The following MDGA2 variants were observed in gnomAD, a reference collection of about 807,000 sequenced individuals.
MDGA2 encodes the protein MAM domain containing glycosylphosphatidylinositol anchor 2.
In MDGA2, 40 loss-of-function variants were observed where a neutral mutation model predicts 117.8. The ratio of observed to expected loss-of-function variants is 0.34; its 90% CI spans 0.26 to 0.44. The LOEUF is 0.44. Among genes scored for constraint, MDGA2 ranks in the 20% least tolerant of loss-of-function variants. MDGA2 has a pLI of 1.00. For synonymous variants in MDGA2, 452 were observed against 439.0 expected, an observed-to-expected ratio of 1.03 and a Z score of -0.37; for missense variants, 1,123 against 1,250.6, an observed-to-expected ratio of 0.90 and a Z score of 1.54.
rs367988985 is a variant in MDGA2 at position 47,061,520 on chromosome 14, G to A, written c.1254C>T (p.Ile418=). 1.9e-6 allele frequency: 3 copies of A among 1,613,050 alleles called. No homozygotes were observed. Among genetic ancestry groups the A allele is most frequent in the African/African-American group, 1.3e-5 (1 of 74,826 alleles). Residue 418 remains isoleucine (I), a synonymous_variant, in exon 7 of 17, where the codon ATC becomes ATT. Transcript: ENST00000399232. The part of the protein sequence containing the change: ...TPDPYHKDDN[I]QIGREVKISC... ...ATATTTTCACCTCACGGCCAATCTG[G>A]ATGTTGTCATCTTTGTGATAAGGAT...
At position 47,415,628 on chromosome 14, in the gene MDGA2, C is replaced by T. The variant is rs183589493; in HGVS notation, c.281-114078G>A. The stretch of plus-strand genomic sequence containing the variant: ...TATTACTATCTGCAGTCCTGCTAAC[C>T]CCAAGAGAATTTTTGTATAAACCTT... On this transcript the variant is annotated intron_variant, in intron 1 of 16. Transcript: ENST00000399232. Among the ~76,000 whole-genome samples, 23 of 152,038 alleles carry T rather than the reference C, an allele frequency of 1.5e-4. No individual in the cohort carries two copies. In the East Asian group the frequency reaches 4.1e-3, roughly 27 times the overall value.
intron 1 of MDGA2, chr14:47,444,338 T>C (rs1363210444): frequency 6.2e-6 from 1 of 160,644 alleles, no homozygotes; most frequent in East Asian, 1.7e-4. Context: ...TAATCATCAA[T>C]GATTTCAAAT....
chr14:47,576,569 G>A (rs1896119151), intron 1 of MDGA2, among the ~76,000 whole-genome samples: 1 of 152,156 alleles, frequency 6.6e-6, no homozygotes, highest in Non-Finnish European at 1.5e-5. Flanking sequence ...AGGAGCCAAT[G>A]AGGTGCATAC....
intron 16 of MDGA2, 89 bp downstream of exon 16, chr14:46,845,677 C>T (rs563605230): frequency 3.1e-4 from 244 of 783,108 alleles, no homozygotes; most frequent in Non-Finnish European, 4.5e-4. Flanking sequence ...AAAATAACTC[C>T]GTTTTTAAAA....
At chr14:47,307,691 GAA>G (rs113956118) in intron 1 of MDGA2, among the ~76,000 whole-genome samples, 1 of 149,970 alleles carries the variant, frequency 6.7e-6, no homozygotes, top group Non-Finnish European at 1.5e-5. Context: ...CTGTGGGGGG[GAA>G]AAAAAAAGGC....
intron 1 of MDGA2, among the ~76,000 whole-genome samples, chr14:47,616,124 C>T (rs1337975299): frequency 2.6e-5 from 4 of 152,182 alleles, no homozygotes; most frequent in Non-Finnish European, 5.9e-5. Context: ...AGTGCTATAA[C>T]TAAAATACAT....
At chr14:47,318,186 T>C (rs891576840) in intron 1 of MDGA2, among the ~76,000 whole-genome samples, 19 of 111,118 alleles carry the variant, frequency 1.7e-4, no homozygotes, top group African/African-American at 5.1e-4. Flanking sequence ...ATGACCATAT[T>C]AATCCCTTAC....
chr14:47,626,919 C>A (rs1217710125), intron 1 of MDGA2, among the ~76,000 whole-genome samples: 1 of 152,258 alleles, frequency 6.6e-6, no homozygotes, highest in Admixed American at 6.5e-5. Flanking sequence ...GCAGGCAGCT[C>A]CACCTGCACC....
At chr14:47,478,082 G>A (rs1478839663) in intron 1 of MDGA2, among the ~76,000 whole-genome samples, 1 of 152,126 alleles carries the variant, frequency 6.6e-6, no homozygotes, top group Non-Finnish European at 1.5e-5. Flanking sequence ...AAGACTTCTT[G>A]TATTCTAGTT....
chr14:47,608,918 G>A (rs1896789147), intron 1 of MDGA2, among the ~76,000 whole-genome samples: 2 of 151,892 alleles, frequency 1.3e-5, no homozygotes, highest in African/African-American at 4.8e-5. Context: ...TTGGAATTTG[G>A]TCTGGAGAGA....
intron 14 of MDGA2, among the ~76,000 whole-genome samples, chr14:46,858,439 T>C (rs1455420400): frequency 6.8e-6 from 1 of 146,648 alleles, no homozygotes; most frequent in Non-Finnish European, 1.5e-5. Flanking sequence ...TTTTTTTTTT[T>C]TTTTTTGAGA....
At chr14:47,510,637 G>A (rs1894619258) in intron 1 of MDGA2, among the ~76,000 whole-genome samples, 1 of 152,176 alleles carries the variant, frequency 6.6e-6, no homozygotes, top group Non-Finnish European at 1.5e-5. Context: ...TTCCTGAAAT[G>A]GAAGACTGAT....
chr14:47,455,218 C>T (rs1392419951), intron 1 of MDGA2, among the ~76,000 whole-genome samples: 1 of 152,102 alleles, frequency 6.6e-6, no homozygotes, highest in Non-Finnish European at 1.5e-5. Flanking sequence ...TTTAAGAATG[C>T]ATTGCAGTCG....
chr14:46,980,561 G>A (rs551321953), intron 8 of MDGA2, among the ~76,000 whole-genome samples: 1 of 152,292 alleles, frequency 6.6e-6, no homozygotes, highest in East Asian at 1.9e-4. Flanking sequence ...TGGGCAAAAT[G>A]CTATCAAACA....
intron 7 of MDGA2, among the ~76,000 whole-genome samples, chr14:47,054,731 T>C (rs533758135): frequency 1.3e-4 from 20 of 151,838 alleles, no homozygotes; most frequent in Non-Finnish European, 2.1e-4. Flanking sequence ...TTGACAAACC[T>C]GACAAAAACA....
chr14:47,371,817 C>T (rs1306864910), intron 1 of MDGA2, among the ~76,000 whole-genome samples: 1 of 151,660 alleles, frequency 6.6e-6, no homozygotes, highest in Non-Finnish European at 1.5e-5. Context: ...TAACATCATA[C>T]AAATCAGTAT....
At chr14:46,843,598 T>C (rs1317328016) in intron 16 of MDGA2, among the ~76,000 whole-genome samples, 1 of 152,154 alleles carries the variant, frequency 6.6e-6, no homozygotes. Context: ...TATGACTTTT[T>C]AATATATTTT....
chr14:47,124,286 G>A (rs1000764251), intron 5 of MDGA2, among the ~76,000 whole-genome samples: 14 of 152,126 alleles, frequency 9.2e-5, no homozygotes, highest in Non-Finnish European at 1.9e-4. Context: ...ATCTTTTGAC[G>A]ATGCTTTTAA....
In MDGA2 at chr14:47,338,337, G is replaced by A. The variant is rs534354902; in HGVS notation, c.281-36787C>T. Reference sequence around the variant, plus strand: ...CCTCTGAAGAACTCTATTATGCCACGGGAGAGAAGAAACATGATGCTAAAA... The same window carrying A: ...CCTCTGAAGAACTCTATTATGCCACAGGAGAGAAGAAACATGATGCTAAAA... On this transcript the variant is annotated intron_variant, in intron 1 of 16. Transcript: ENST00000399232. Among the ~76,000 whole-genome samples the A allele has an allele frequency of 3.3e-5, 5 of 151,880 alleles. No individual in the cohort carries two copies. The East Asian group carries it at 5.8e-4, about 18-fold the overall frequency.
Sources: gnomAD v4.1 joint callset for allele counts (sites outside exome capture counted in the v4.1 genomes callset) on GRCh38, gnomAD v4.1.1 for gene constraint, MANE v1.5 for transcripts, NCBI Gene and HGNC (gene_info 2026-07-23, HGNC 2026-07-21) for gene names.